The following ANO7 variants were observed in gnomAD, a reference collection of about 807,000 sequenced individuals.
ANO7 encodes anoctamin-7.
A neutral mutation model predicts 115.8 loss-of-function variants in ANO7; 114 were observed. The observed-to-expected ratio is 0.98, with a 90% CI of 0.85 to 1.15. The LOEUF is 1.15. Ranked by LOEUF, ANO7 falls within the 50% of genes most tolerant of loss-of-function variation. The pLI is 0.00. For missense variants in ANO7, 1,302 were observed against 1,201.2 expected (o/e 1.08, Z -1.24); for synonymous variants, 550 against 498.2 (o/e 1.10, Z -1.38).
intron 3 of ANO7, 28 bp downstream of exon 3, chr2:241,191,279 A>T: frequency 6.2e-7 from 1 of 1,611,920 alleles, no homozygotes; most frequent in Non-Finnish European, 8.5e-7. Flanking sequence ...CCTGTACCAC[A>T]CCCGTGTTGG....
At chr2:241,208,912 G>A (rs1473991771) in intron 11 of ANO7, among the ~76,000 whole-genome samples, 5 of 152,112 alleles carry the variant, frequency 3.3e-5, no homozygotes, top group African/African-American at 7.2e-5. Context: ...CACTTTGGGA[G>A]GCCAAGGCGG....
At chr2:241,233,408 C>T in the ANO7 span, among the ~76,000 whole-genome samples, 8 of 152,222 alleles carry the variant, frequency 5.3e-5, no homozygotes, top group African/African-American at 9.6e-5. This position sits in a 1 kb window ranked among gnomAD's most constrained non-coding sequence, Gnocchi z 4.3. Flanking sequence ...GCAAGCACAA[C>T]GGTGTTTGCA....
At chr2:241,236,140 T>G in the ANO7 span, 1 of 198,916 alleles carries the variant, frequency 5.0e-6, no homozygotes, top group Non-Finnish European at 1.0e-5. Flanking sequence ...CTGCGTTGAC[T>G]GCTTGTCTCT....
At chr2:241,220,468 A>C (rs1009742112) in intron 21 of ANO7, among the ~76,000 whole-genome samples, 8 of 152,004 alleles carry the variant, frequency 5.3e-5, no homozygotes, top group African/African-American at 1.9e-4. Context: ...AGGCCGAGGC[A>C]GGTGGATCAT....
At chr2:241,231,855 A>G in the ANO7 span, among the ~76,000 whole-genome samples, 19 of 152,278 alleles carry the variant, frequency 1.2e-4, no homozygotes, top group Non-Finnish European at 2.2e-4. Context: ...CATGTCCACA[A>G]CACAAAAACC....
intron 21 of ANO7, 113 bp downstream of exon 21, chr2:241,218,494 G>C: frequency 9.8e-7 from 1 of 1,015,926 alleles, no homozygotes; most frequent in South Asian, 4.1e-5. Flanking sequence ...GGCGCCGCCG[G>C]GCAAGGCCGG....
At chr2:241,236,867 G>C in the ANO7 span, 4 of 1,344,582 alleles carry the variant, frequency 3.0e-6, no homozygotes, top group African/African-American at 5.8e-5. Context: ...GCTGGGTGCT[G>C]GGTGGTAAAA....
intron 9 of ANO7, among the ~76,000 whole-genome samples, chr2:241,204,123 C>T (rs367969198): frequency 7.9e-5 from 12 of 152,202 alleles, no homozygotes; most frequent in African/African-American, 1.9e-4. Flanking sequence ...GGCACAGCAT[C>T]GGGGCAGAGG....
the ANO7 span, chr2:241,235,081 A>G: frequency 6.2e-7 from 1 of 1,604,036 alleles, no homozygotes; most frequent in Non-Finnish European, 8.5e-7. Flanking sequence ...AAAGCTGAGC[A>G]CCATGGCTCT....
At chr2:241,233,979 G>T in the ANO7 span, 1 of 1,614,006 alleles carries the variant, frequency 6.2e-7, no homozygotes, top group Non-Finnish European at 8.5e-7. The surrounding 1 kb of genome is among the most constrained non-coding windows in gnomAD (Gnocchi z 4.3). Flanking sequence ...AATGAAAGGA[G>T]CAAGAATGAG....
chr2:241,205,558 G>C (rs2068573330), intron 10 of ANO7, among the ~76,000 whole-genome samples: 1 of 139,976 alleles, frequency 7.1e-6, no homozygotes, highest in Non-Finnish European at 1.6e-5. Flanking sequence ...GTGGACAGGA[G>C]TGCTCCCAGT....
At chr2:241,195,405 C>T (rs1299073804) in intron 3 of ANO7, among the ~76,000 whole-genome samples, 2 of 152,194 alleles carry the variant, frequency 1.3e-5, no homozygotes, top group Admixed American at 1.3e-4. Context: ...CTGTAGGAGT[C>T]TGGGACTTAC....
rs2069113812 is a variant in ANO7 at position 241,224,586 on chromosome 2, C to G, written c.*433C>G. 5.2e-6 allele frequency: 1 copy of G among 191,156 alleles called. No homozygotes were observed. Among genetic ancestry groups the G allele is most frequent in the African/African-American group, 2.4e-5 (1 of 42,422 alleles). 11.8% of individuals were successfully genotyped at this position (191,156 alleles called of 1,614,324 possible). A position where few individuals can be genotyped will look rare whatever the true frequency, so the allele number is the denominator to read the frequency against. On this transcript the variant is annotated 3_prime_UTR_variant, in exon 25 of 25. Transcript: ENST00000674324. Reference sequence around the variant, plus strand: ...AGCGCAGGGCCGTTCTCCCTCGTGTCCTCTGGACCCACCCGCCCCTTCCTG... The same window carrying G: ...AGCGCAGGGCCGTTCTCCCTCGTGTGCTCTGGACCCACCCGCCCCTTCCTG...
rs1170061554 is a variant in ANO7 at position 241,210,552 on chromosome 2, C to G, written c.1543C>G (p.His515Asp). Residue 515 changes from histidine (H) to aspartate (D), a missense_variant, in exon 15 of 25, where the codon CAC becomes GAC. Physicochemically the swap from His to Asp is moderately conservative, Grantham distance 81 (BLOSUM62 -1). Coordinates refer to ENST00000674324, the MANE Select transcript of ANO7 (RefSeq NM_001370694.2). ...ILSKIYVSLA[H>D]VLTRWEMHRT... ...CTCCAAGATCTATGTATCCCTGGCC[C>G]ACGTCCTGACACGATGGGGTGAGTG... is the stretch of plus-strand genomic sequence containing the variant. The G allele has an allele frequency of 8.7e-6, 14 of 1,613,794 alleles. No individual in the cohort carries two copies. The highest frequency in any genetic ancestry group is 9.3e-6 in the Non-Finnish European group (11 of 1,179,986).
chr2:241,222,860 T>C (rs535641743), intron 21 of ANO7, among the ~76,000 whole-genome samples: 30 of 152,242 alleles, frequency 2.0e-4, no homozygotes, highest in Middle Eastern at 3.4e-3. Flanking sequence ...TAGACTGAAG[T>C]CATCCGTAGA....
At chr2:241,189,220 T>C (rs1215834266) in intron 1 of ANO7, among the ~76,000 whole-genome samples, 2 of 152,192 alleles carry the variant, frequency 1.3e-5, no homozygotes, top group African/African-American at 4.8e-5. Flanking sequence ...CACTGAGACC[T>C]GGCTCGGGCT....
chr2:241,232,585 T>G, the ANO7 span, among the ~76,000 whole-genome samples: 2 of 152,120 alleles, frequency 1.3e-5, no homozygotes, highest in Non-Finnish European at 2.9e-5. Flanking sequence ...CTATAATGAC[T>G]TTTAAGATTG....
At position 241,209,594 on chromosome 2, in the gene ANO7, G is replaced by A. The variant is rs182045324; in HGVS notation, c.1318G>A (p.Ala440Thr). The A allele has an allele frequency of 3.6e-5, 58 of 1,600,264 alleles. No individual in the cohort carries two copies. The highest frequency in any genetic ancestry group is 1.6e-4 in the South Asian group (14 of 89,558). Residue 440 changes from alanine (A) to threonine (T), a missense_variant, in exon 13 of 25, where the codon GCG becomes ACG. Physicochemically the swap from Ala to Thr is moderately conservative, Grantham distance 58. Transcript: ENST00000674324. The stretch of plus-strand genomic sequence containing the variant: ...GCCCTACTTCCCTGAGAGGAGCCGC[G>A]CGCGCCGCATGCTGGCCGGCTCTGT... Reference protein sequence around the residue: ...DEPYFPERSRARRMLAGSVVI... With the variant: ...DEPYFPERSRTRRMLAGSVVI...
intron 19 of ANO7, 82 bp downstream of exon 19, chr2:241,216,320 C>T: frequency 6.9e-7 from 1 of 1,442,850 alleles, no homozygotes; most frequent in East Asian, 2.5e-5. Context: ...GCCTCCCAGC[C>T]TGACATTCCT....
Sources: allele counts gnomAD v4.1 joint callset (sites outside exome capture counted in the v4.1 genomes callset), GRCh38; gene constraint gnomAD v4.1.1; non-coding constraint Gnocchi (gnomAD v3.1); transcripts MANE v1.5; gene names NCBI Gene and HGNC (gene_info 2026-07-23, HGNC 2026-07-21).